Variants in ESR1 observed in about 807,000 individuals in gnomAD.
ESR1 encodes estrogen receptor 1.
In ESR1, 12 loss-of-function variants were observed where a neutral mutation model predicts 52.7. The observed-to-expected ratio is 0.23, with a 90% CI of 0.15 to 0.37. The LOEUF (loss-of-function observed/expected upper bound fraction) is 0.37, where lower values mean the gene tolerates loss of function less well. Among genes scored for constraint, ESR1 ranks in the 10% least tolerant of loss-of-function variants. ESR1 has a pLI of 1.00. For synonymous variants in ESR1, 305 were observed against 316.8 expected (o/e 0.96, Z 0.39); for missense variants, 584 against 779.7 (o/e 0.75, Z 2.99).
chr6:151,926,980 TG>T (rs762512888), intron 3 of ESR1, among the ~76,000 whole-genome samples: 5 of 152,258 alleles, frequency 3.3e-5, no homozygotes, highest in Admixed American at 6.5e-5. Context: ...TGTTAGCTAT[TG>T]TTTTTTTAAA....
At chr6:151,846,903 A>T (rs1785217201) in intron 2 of ESR1, among the ~76,000 whole-genome samples, 1 of 152,194 alleles carries the variant, frequency 6.6e-6, no homozygotes, top group Non-Finnish European at 1.5e-5. Flanking sequence ...CAGCAGCCAG[A>T]TACTACCTTT....
intron 5 of ESR1, among the ~76,000 whole-genome samples, chr6:152,044,760 A>G (rs1304099935): frequency 2.6e-5 from 4 of 152,224 alleles, no homozygotes; most frequent in African/African-American, 4.8e-5. Flanking sequence ...TTTTTGTCCT[A>G]GCCATGCTGG....
chr6:152,021,722 C>T (rs1310496933), intron 5 of ESR1, among the ~76,000 whole-genome samples: 1 of 152,164 alleles, frequency 6.6e-6, no homozygotes, highest in Non-Finnish European at 1.5e-5. Context: ...ATTTTAGCCT[C>T]CCATACTTCC....
intron 3 of ESR1, among the ~76,000 whole-genome samples, chr6:151,926,560 G>A (rs1175823995): frequency 6.6e-6 from 1 of 151,482 alleles, no homozygotes; most frequent in Non-Finnish European, 1.5e-5. Context: ...TTTACATATA[G>A]GCCTTGTACA....
At chr6:151,809,428 C>T (rs1349407777) in intron 1 of ESR1, among the ~76,000 whole-genome samples, 1 of 152,142 alleles carries the variant, frequency 6.6e-6, no homozygotes, top group African/African-American at 2.4e-5. Context: ...TTCTGGTGAA[C>T]ACCTTCCTAG....
Position 151,935,258 on chromosome 6 carries a change from C to T in ESR1, c.761-8915C>T, listed in dbSNP as rs946407597. Among the ~76,000 whole-genome samples the T allele has an allele frequency of 2.6e-5, 4 of 152,132 alleles. 1 individual carries two copies. The highest frequency in any genetic ancestry group is 9.7e-5 in the African/African-American group (4 of 41,420). On this transcript the variant is annotated intron_variant, in intron 3 of 7. Transcript: ENST00000206249. The stretch of plus-strand genomic sequence containing the variant: ...TGATTGCAAGCAAGACAAACTGGTT[C>T]TCACTTCAGCAGAAAAAGAAATTAC...
chr6:151,786,803 C>T (rs1002527852), intron 2 of ESR1, among the ~76,000 whole-genome samples: 1 of 151,838 alleles, frequency 6.6e-6, no homozygotes, highest in African/African-American at 2.4e-5. Flanking sequence ...GTCTTTTCAC[C>T]ATTGCTTATT....
chr6:152,011,390 A>T (rs1411044456), intron 4 of ESR1, among the ~76,000 whole-genome samples: 1 of 152,206 alleles, frequency 6.6e-6, no homozygotes, highest in African/African-American at 2.4e-5. Flanking sequence ...ATAACACTTT[A>T]TAGAAAGCTA....
chr6:151,968,784 G>C (rs1409764317), intron 4 of ESR1, among the ~76,000 whole-genome samples: 1 of 152,110 alleles, frequency 6.6e-6, no homozygotes, highest in East Asian at 1.9e-4. Flanking sequence ...TCCTCTCGCA[G>C]GCACACCTTC....
downstream of ESR1, among the ~76,000 whole-genome samples, chr6:152,106,916 T>A (rs1313382673): frequency 6.6e-6 from 1 of 152,118 alleles, no homozygotes; most frequent in Non-Finnish European, 1.5e-5. Context: ...CAGCACTTTG[T>A]ATATATCATC....
At chr6:151,894,689 T>A (rs1795201085) in intron 3 of ESR1, among the ~76,000 whole-genome samples, 2 of 152,136 alleles carry the variant, frequency 1.3e-5, no homozygotes, top group African/African-American at 4.8e-5. Context: ...CAAAGAGCAG[T>A]TGGCTGTAAG....
intron 3 of ESR1, among the ~76,000 whole-genome samples, chr6:151,911,234 C>T (rs182774676): frequency 1.3e-5 from 2 of 152,168 alleles, no homozygotes; most frequent in Non-Finnish European, 2.9e-5. Context: ...CTAATAGAGA[C>T]GTATAACTTA....
chr6:151,752,987 A>G (rs1487381133), intron 2 of ESR1, among the ~76,000 whole-genome samples: 4 of 152,230 alleles, frequency 2.6e-5, no homozygotes, highest in Admixed American at 2.0e-4. Context: ...CCAAATCATC[A>G]AATCTAATGT....
chr6:151,850,929 T>C (rs1054394286), intron 2 of ESR1, among the ~76,000 whole-genome samples: 1 of 152,144 alleles, frequency 6.6e-6, no homozygotes, highest in African/African-American at 2.4e-5. Flanking sequence ...TCTAAGCCGT[T>C]TGCTTATGTC....
rs2050945906 is a variant in ESR1 at position 152,100,965 on chromosome 6, G to A, written c.*1999G>A. On this transcript the variant is annotated 3_prime_UTR_variant, in exon 8 of 8. Transcript: ENST00000206249. Reference sequence around the variant, plus strand: ...TACATTGCTTGTTTATCAGACAATTGAATGTAGTAATTCTGTTCTGGATTT... The same window carrying A: ...TACATTGCTTGTTTATCAGACAATTAAATGTAGTAATTCTGTTCTGGATTT... 4.4e-6 allele frequency: 1 copy of A among 227,484 alleles called. No individual in the cohort carries two copies. Among genetic ancestry groups the A allele is most frequent in the African/African-American group, 2.2e-5 (1 of 44,804 alleles). The allele number at this position is 227,484 out of a possible 1,614,324, so 14.1% of individuals were successfully genotyped here. A position where few individuals can be genotyped will look rare whatever the true frequency, so the allele number is the denominator to read the frequency against.
chr6:151,858,597 T>A (rs199694753), intron 2 of ESR1, among the ~76,000 whole-genome samples: 4 of 151,752 alleles, frequency 2.6e-5, no homozygotes, highest in African/African-American at 4.8e-5. Context: ...TTTTTTTTTT[T>A]TAAAGCATTT....
chr6:151,897,434 G>T (rs1795714322), intron 3 of ESR1, among the ~76,000 whole-genome samples: 1 of 152,092 alleles, frequency 6.6e-6, no homozygotes, highest in South Asian at 2.1e-4. Context: ...ATTATATAAT[G>T]CTCTTCTTTG....
At chr6:151,849,998 ATATATAT>A (rs1226569489) in intron 2 of ESR1, among the ~76,000 whole-genome samples, 1 of 87,916 alleles carries the variant, frequency 1.1e-5, no homozygotes, top group African/African-American at 4.2e-5. Context: ...ATATATATAT[ATATATAT>A]AATTTTGTAT....
chr6:151,727,230 C>G (rs895624021), intron 2 of ESR1, among the ~76,000 whole-genome samples: 1 of 150,874 alleles, frequency 6.6e-6, no homozygotes, highest in Admixed American at 6.6e-5. Flanking sequence ...GAGACAGAGT[C>G]TTGCTCTGTC....
Sources: allele counts gnomAD v4.1 joint callset (sites outside exome capture counted in the v4.1 genomes callset), GRCh38; gene constraint gnomAD v4.1.1; transcripts MANE v1.5; gene names NCBI Gene and HGNC (gene_info 2026-07-23, HGNC 2026-07-21).